NALCN: variants seen among roughly 807,000 people sequenced by gnomAD.
NALCN encodes sodium leak channel NALCN.
In NALCN, 111 loss-of-function variants were observed where a neutral mutation model predicts 225.3. That is an observed-to-expected ratio of 0.49 (90% confidence interval 0.42 to 0.58). NALCN has a LOEUF of 0.58. NALCN is among the 20% of genes least tolerant of loss of function. NALCN has a pLI of 0.00. For missense variants in NALCN, 1,378 were observed against 2,202.4 expected, an observed-to-expected ratio of 0.63 and a Z score of 7.49; for synonymous variants, 764 against 769.0, an observed-to-expected ratio of 0.99 and a Z score of 0.11.
At chr13:101,288,288 T>G (rs1334927859) in intron 9 of NALCN, among the ~76,000 whole-genome samples, 7 of 152,206 alleles carry the variant, frequency 4.6e-5, no homozygotes, top group Non-Finnish European at 5.9e-5. Flanking sequence ...CTCACATATT[T>G]TAATGATGTA....
chr13:101,292,192 A>G lies in NALCN; in HGVS notation c.942+32T>C, dbSNP rs1351919323. 1.2e-6 allele frequency: 2 copies of G among 1,613,294 alleles called. No homozygotes were observed. Among genetic ancestry groups the G allele is most frequent in the African/African-American group, 2.7e-5 (2 of 74,906 alleles). On this transcript the variant is annotated intron_variant, in intron 8 of 43. Coordinates refer to ENST00000251127, the MANE Select transcript of NALCN (RefSeq NM_052867.4). This position sits in a 1 kb window ranked among gnomAD's most constrained non-coding sequence, Gnocchi z 4.3. ...AAGATCTGCAGAACTATCACAGAACATAGACTTTCTTAGTACAATTCTTCG... is the reference window on the plus strand; with the variant it reads ...AAGATCTGCAGAACTATCACAGAACGTAGACTTTCTTAGTACAATTCTTCG...
At chr13:101,405,860 C>T (rs2047605235) in intron 1 of NALCN, among the ~76,000 whole-genome samples, 1 of 152,038 alleles carries the variant, frequency 6.6e-6, no homozygotes, top group South Asian at 2.1e-4. Flanking sequence ...CACATATACC[C>T]CATGAAAAAG....
Position 101,111,214 on chromosome 13 carries a change from T to A in NALCN, c.2205A>T (p.Arg735=), listed in dbSNP as rs1376416693. The stretch of plus-strand genomic sequence containing the variant: ...CAAATGATCCGCTCAGCATGCGCTG[T>A]CGGGTGCAAGCTCTAGGAAAAAAAA... ...AVTKILRACT[R]QRMLSGSFEG... The change falls in exon 19 of 44, where the codon CGA becomes CGT. Residue 735 remains arginine, a synonymous_variant. Transcript: ENST00000251127. 6.3e-7 allele frequency: 1 copy of A among 1,593,600 alleles called. No homozygotes were observed.
Position 101,075,953 on chromosome 13 carries a change from A to G in NALCN, c.3886-12T>C. On this transcript the variant is annotated splice_polypyrimidine_tract_variant and intron_variant, in intron 34 of 43. Transcript: ENST00000251127. Reference sequence around the variant, plus strand: ...TAAGTATATGCATTCTGAAATTTAAACAGAAGACAGCTTCTCATAATTTGC... The same window carrying G: ...TAAGTATATGCATTCTGAAATTTAAGCAGAAGACAGCTTCTCATAATTTGC... 6.2e-7 allele frequency: 1 copy of G among 1,604,254 alleles called. No individual in the cohort carries two copies. The highest frequency in any genetic ancestry group is 8.5e-7 in the Non-Finnish European group (1 of 1,176,630).
chr13:101,397,113 T>TACAC (rs1436305962), intron 2 of NALCN, among the ~76,000 whole-genome samples: 15 of 112,948 alleles, frequency 1.3e-4, no homozygotes, highest in African/African-American at 1.3e-4. Context: ...TATATATACA[T>TACAC]ACACATACAT....
At chr13:101,282,961 A>G (rs945886793) in intron 10 of NALCN, among the ~76,000 whole-genome samples, 5 of 152,194 alleles carry the variant, frequency 3.3e-5, no homozygotes, top group African/African-American at 1.2e-4. Context: ...CCCAAAAGAA[A>G]GAAAAGAGAT....
intron 18 of NALCN, among the ~76,000 whole-genome samples, chr13:101,115,369 TGTAGCAGGTGAA>T (rs2035657429): frequency 2.0e-5 from 3 of 152,184 alleles, no homozygotes; most frequent in Admixed American, 1.3e-4. Context: ...CAGAGCAGGC[TGTAGCAGGTGAA>T]CTTAGTTCAA....
intron 6 of NALCN, among the ~76,000 whole-genome samples, chr13:101,360,639 CCT>C (rs1330603241): frequency 1.3e-5 from 2 of 152,104 alleles, no homozygotes; most frequent in East Asian, 3.9e-4. Flanking sequence ...TGCCAATGCC[CCT>C]GACGACTCCA....
chr13:101,120,189 A>C (rs2035905762), intron 18 of NALCN, among the ~76,000 whole-genome samples: 1 of 152,146 alleles, frequency 6.6e-6, no homozygotes, highest in African/African-American at 2.4e-5. Context: ...ATCCTGTTTC[A>C]AATGGAAGAT....
chr13:101,127,342 G>A (rs2036284610), intron 17 of NALCN, among the ~76,000 whole-genome samples: 1 of 152,076 alleles, frequency 6.6e-6, no homozygotes, highest in African/African-American at 2.4e-5. Flanking sequence ...ATCAGATTTA[G>A]CTTTGGGATG....
At chr13:101,360,841 C>A (rs146090594) in intron 6 of NALCN, among the ~76,000 whole-genome samples, 19 of 152,138 alleles carry the variant, frequency 1.2e-4, no homozygotes, top group African/African-American at 4.3e-4. Context: ...GGGAAATAGT[C>A]TTAAGGGAAG....
intron 17 of NALCN, among the ~76,000 whole-genome samples, chr13:101,136,702 C>A (rs2036816487): frequency 6.6e-6 from 1 of 152,132 alleles, no homozygotes; most frequent in African/African-American, 2.4e-5. Context: ...TCCAGTCTAT[C>A]ATTGATGGAC....
At chr13:101,136,305 T>TA (rs2036785429) in intron 17 of NALCN, among the ~76,000 whole-genome samples, 2 of 60 alleles carry the variant, frequency 0.033, no homozygotes, top group African/African-American at 0.17. Context: ...TTTATTTATT[T>TA]ATTTATTTAT....
At chr13:101,169,058 C>T (rs770564772) in intron 15 of NALCN, among the ~76,000 whole-genome samples, 11 of 152,210 alleles carry the variant, frequency 7.2e-5, no homozygotes, top group East Asian at 1.9e-4. Context: ...TGTGTGCTTC[C>T]GAAACATTAT....
intron 10 of NALCN, among the ~76,000 whole-genome samples, chr13:101,263,873 T>C (rs1365769778): frequency 6.6e-6 from 1 of 152,230 alleles, no homozygotes; most frequent in Non-Finnish European, 1.5e-5. Flanking sequence ...GCTAGTGGCA[T>C]GGCCCACTTC....
At chr13:101,218,092 G>A (rs1022752523) in intron 13 of NALCN, among the ~76,000 whole-genome samples, 1 of 152,078 alleles carries the variant, frequency 6.6e-6, no homozygotes, top group African/African-American at 2.4e-5. Context: ...TCCTGCCAAT[G>A]AGAGATGACA....
At chr13:101,385,604 C>A (rs2046965448) in intron 3 of NALCN, among the ~76,000 whole-genome samples, 2 of 152,202 alleles carry the variant, frequency 1.3e-5, no homozygotes, top group Non-Finnish European at 2.9e-5. Context: ...GTGGATTCTG[C>A]CAAAGGTATA....
intron 1 of NALCN, among the ~76,000 whole-genome samples, chr13:101,402,175 T>C (rs1056080154): frequency 6.6e-6 from 1 of 152,240 alleles, no homozygotes; most frequent in African/African-American, 2.4e-5. Context: ...TTTTTCTGTT[T>C]ACCAAAGTGT....
chr13:101,126,376 AGAGTG>A (rs1428674215), intron 17 of NALCN, among the ~76,000 whole-genome samples: 1 of 152,220 alleles, frequency 6.6e-6, no homozygotes, highest in Non-Finnish European at 1.5e-5. Context: ...CAAGGAGACA[AGAGTG>A]GATACCAACT....
Sources: gnomAD v4.1 joint callset for allele counts (sites outside exome capture counted in the v4.1 genomes callset) on GRCh38, gnomAD v4.1.1 for gene constraint, Gnocchi (gnomAD v3.1) non-coding constraint, MANE v1.5 for transcripts, NCBI Gene and HGNC (gene_info 2026-07-23, HGNC 2026-07-21) for gene names.